The following CCNB1 variants were observed in gnomAD, a reference collection of about 807,000 sequenced individuals.
CCNB1 encodes cyclin B1, also known as G2/mitotic-specific cyclin-B1.
In CCNB1, 26 loss-of-function variants were observed where a neutral mutation model predicts 44.4. The observed-to-expected ratio is 0.59, with a 90% CI of 0.43 to 0.81. The LOEUF (loss-of-function observed/expected upper bound fraction) is 0.81, where lower values mean the gene tolerates loss of function less well. Ranked by LOEUF, CCNB1 falls within the 40% of genes least tolerant of loss-of-function variation. The probability of loss-of-function intolerance (pLI) is 0.00; values close to 1 mark genes in which losing one functional copy is unlikely to be tolerated. For missense variants in CCNB1, 477 were observed against 520.9 expected, an observed-to-expected ratio of 0.92 and a Z score of 0.82; for synonymous variants, 195 against 181.4, an observed-to-expected ratio of 1.08 and a Z score of -0.60.
At chr5:69,170,408 G>A (rs1208125472) in intron 3 of CCNB1, among the ~76,000 whole-genome samples, 1 of 152,178 alleles carries the variant, frequency 6.6e-6, no homozygotes, top group East Asian at 1.9e-4. Context: ...GGAGCTTGAA[G>A]GAAATGGTTA....
rs1297947852 is a variant in CCNB1, at chr5:69,176,542, A to ATTTT, written c.1084-691_1084-688dup. 9.6e-3 allele frequency among the ~76,000 whole-genome samples: 1,405 copies of ATTTT among 146,210 alleles called. 11 individuals are homozygous for ATTTT. The highest frequency in any genetic ancestry group is 0.014 in the Non-Finnish European group (952 of 66,426). ...CGGCTAATTTTATATATATATATAT[A>ATTTT]TTTTTTTTTAGTAGAGATGGGGTTT... On this transcript the variant is annotated intron_variant, in intron 7 of 8. Coordinates refer to ENST00000256442, the MANE Select transcript of CCNB1 (RefSeq NM_031966.4).
chr5:69,175,899 A>T (rs1747574840), intron 7 of CCNB1, among the ~76,000 whole-genome samples: 1 of 151,100 alleles, frequency 6.6e-6, no homozygotes, highest in Non-Finnish European at 1.5e-5. Flanking sequence ...TGAACACCAA[A>T]TCATCACACT....
chr5:69,171,138 T>C, intron 3 of CCNB1, 132 bp from the exon 4 acceptor site: 1 of 617,262 alleles, frequency 1.6e-6, no homozygotes. Context: ...AAGATACTTT[T>C]CCTTTAAGGA....
chr5:69,171,413 A>C lies in CCNB1; in HGVS notation c.507A>C (p.Glu169Asp). The C allele has an allele frequency of 1.2e-6, 2 of 1,611,204 alleles. No individual in the cohort carries two copies. Among genetic ancestry groups the C allele is most frequent in the Non-Finnish European group, 1.7e-6 (2 of 1,179,364 alleles). The part of the protein sequence containing the change: ...EDGADPNLCS[E>D]YVKDIYAYLR... ...GAGCTGATCCAAACCTTTGTAGTGA[A>C]TATGTGAAAGATATTTATGCTTATC... The change falls in exon 4 of 9, where the codon GAA becomes GAC. Residue 169 changes from glutamate to aspartate, a missense_variant. By Grantham distance (45) the Glu-to-Asp change is conservative. Transcript: ENST00000256442.
chr5:69,177,499 T>G (rs757319195), intron 8 of CCNB1, 25 bp from the exon 9 acceptor site: 6 of 1,517,126 alleles, frequency 4.0e-6, no homozygotes, highest in Non-Finnish European at 5.5e-6. Flanking sequence ...TTTGCCTCTT[T>G]AATTGCTATC....
At chr5:69,175,641 G>T in intron 7 of CCNB1, 104 bp downstream of exon 7, 1 of 1,043,906 alleles carries the variant, frequency 9.6e-7, no homozygotes, top group Non-Finnish European at 1.4e-6. Flanking sequence ...ATAAATATGG[G>T]ATCTACTGAA....
rs759128099 is a variant in CCNB1 at position 69,174,428 on chromosome 5, GT to G, written c.705+23del. The G allele has an allele frequency of 6.2e-7, 1 of 1,610,762 alleles. No homozygotes were observed. Among genetic ancestry groups the G allele is most frequent in the Non-Finnish European group, 8.5e-7 (1 of 1,178,340 alleles). The stretch of plus-strand genomic sequence containing the variant: ...CATGCAGGTGAGCATTTCAGTAAGA[GT>G]TTTCCCTTCCAGGATTCTAGCCGAG... On this transcript the variant is annotated intron_variant, in intron 5 of 8. Transcript: ENST00000256442.
chr5:69,168,007 C>T lies in CCNB1; in HGVS notation c.121C>T (p.Pro41Ser), dbSNP rs758336269. 1.2e-6 allele frequency: 2 copies of T among 1,614,206 alleles called. No individual in the cohort carries two copies. Among genetic ancestry groups the T allele is most frequent in the Admixed American group, 3.3e-5 (2 of 60,016 alleles). ...PAATSKPGLR[P>S]RTALGDIGNK... ...TGCAACCTCCAAGCCCGGACTGAGGCCAAGAACAGCTCTTGGGGACATTGG... is the reference window on the plus strand; with the variant it reads ...TGCAACCTCCAAGCCCGGACTGAGGTCAAGAACAGCTCTTGGGGACATTGG... Residue 41 changes from proline (P) to serine (S), a missense_variant, in exon 2 of 9, where the codon CCA becomes TCA. Physicochemically the swap from Pro to Ser is moderately conservative, Grantham distance 74. Coordinates refer to ENST00000256442, the MANE Select transcript of CCNB1 (RefSeq NM_031966.4).
intron 3 of CCNB1, 41 bp downstream of exon 3, chr5:69,168,384 C>T: frequency 6.2e-7 from 1 of 1,609,434 alleles, no homozygotes; most frequent in Non-Finnish European, 8.5e-7. Flanking sequence ...TTGATTATTT[C>T]TTGTCCCTTA....
intron 5 of CCNB1, 81 bp downstream of exon 5, chr5:69,174,490 G>A (rs564860051): frequency 4.6e-5 from 62 of 1,351,434 alleles, no homozygotes; most frequent in Middle Eastern, 2.1e-4. Context: ...CAGTCTGGGC[G>A]CAGTGGCTCA....
At chr5:69,167,719 A>G (rs1431844994) in intron 1 of CCNB1, among the ~76,000 whole-genome samples, 189 bp from the exon 2 acceptor site, 1 of 152,104 alleles carries the variant, frequency 6.6e-6, no homozygotes, top group East Asian at 1.9e-4. Flanking sequence ...CTCAATTGGT[A>G]AATGTAGAGG....
chr5:69,173,276 T>C (rs532655472), intron 4 of CCNB1, among the ~76,000 whole-genome samples: 42 of 151,544 alleles, frequency 2.8e-4, no homozygotes, highest in African/African-American at 9.0e-4. Flanking sequence ...CTCTGCACTG[T>C]AACCCCTCGT....
chr5:69,172,769 CTTTTTTT>C (rs922322066), intron 4 of CCNB1, among the ~76,000 whole-genome samples: 1 of 96,844 alleles, frequency 1.0e-5, no homozygotes, highest in African/African-American at 4.1e-5. Context: ...TGTGCTGTTT[CTTTTTTT>C]TTTTTTTTTT....
intron 4 of CCNB1, 144 bp downstream of exon 4, chr5:69,171,596 T>G: frequency 1.6e-6 from 1 of 608,790 alleles, no homozygotes. Flanking sequence ...ATGGAATACC[T>G]ATAATAAAAA....
intron 3 of CCNB1, among the ~76,000 whole-genome samples, chr5:69,169,526 G>A (rs1474077022): frequency 6.6e-6 from 1 of 152,166 alleles, no homozygotes; most frequent in Non-Finnish European, 1.5e-5. Flanking sequence ...TTCCCACTTA[G>A]TAAGAATGCC....
chr5:69,168,277 A>AGAGCCAGAACCT lies in CCNB1; in HGVS notation c.315_326dup (p.Glu106_Pro109dup), dbSNP rs527515881. On this transcript the variant is annotated inframe_insertion, in exon 3 of 9. Coordinates refer to ENST00000256442, the MANE Select transcript of CCNB1 (RefSeq NM_031966.4). ...CAGTGCCAGTGTCTGAGCCAGTGCC[A>AGAGCCAGAACCT]GAGCCAGAACCTGAGCCAGAACCTG... 1.1e-4 allele frequency: 175 copies of AGAGCCAGAACCT among 1,613,986 alleles called. No homozygotes were observed. Among genetic ancestry groups the AGAGCCAGAACCT allele is most frequent in the Non-Finnish European group, 1.4e-4 (162 of 1,179,958 alleles).
Position 69,168,283 on chromosome 5 carries a change from A to G in CCNB1, c.303A>G (p.Pro101=), listed in dbSNP as rs1747384011. ...CAGTGTCTGAGCCAGTGCCAGAGCC[A>G]GAACCTGAGCCAGAACCTGAGCCTG... ...PVPVSEPVPE[P]EPEPEPEPVK... The change falls in exon 3 of 9, where the codon CCA becomes CCG. Residue 101 remains proline (P), a synonymous_variant. Coordinates refer to ENST00000256442, the MANE Select transcript of CCNB1 (RefSeq NM_031966.4). The G allele has an allele frequency of 1.2e-6, 2 of 1,613,202 alleles. No homozygotes were observed. The highest frequency in any genetic ancestry group is 8.5e-7 in the Non-Finnish European group (1 of 1,179,608).
intron 4 of CCNB1, among the ~76,000 whole-genome samples, chr5:69,172,839 T>A (rs946950884): frequency 7.1e-6 from 1 of 140,804 alleles, no homozygotes; most frequent in Non-Finnish European, 1.5e-5. Context: ...AGTGGCACAA[T>A]CTCGGCTCAC....
chr5:69,174,924 C>T lies in CCNB1; in HGVS notation c.753C>T (p.Ala251=), dbSNP rs771721991. 5 of 1,614,078 alleles carry T rather than the reference C, an allele frequency of 3.1e-6. No individual in the cohort carries two copies. In the South Asian group the frequency reaches 5.5e-5, roughly 18 times the overall value. ...KKMLQLVGVT[A]MFIASKYEEM... ...TGCTGCAGCTGGTTGGTGTCACTGC[C>T]ATGTTTATTGCAAGCAAATATGAAG... Residue 251 remains alanine (A), a synonymous_variant, in exon 6 of 9, where the codon GCC becomes GCT. Transcript: ENST00000256442.
Sources: gnomAD v4.1 joint callset for allele counts (sites outside exome capture counted in the v4.1 genomes callset) on GRCh38, gnomAD v4.1.1 for gene constraint, MANE v1.5 for transcripts, NCBI Gene and HGNC (gene_info 2026-07-23, HGNC 2026-07-21) for gene names.